DACH2: variants seen among roughly 807,000 people sequenced by gnomAD.
DACH2 encodes the protein dachshund homolog 2.
A neutral mutation model predicts 35.8 loss-of-function variants in DACH2; 17 were observed. The observed-to-expected ratio is 0.48, with a 90% CI of 0.33 to 0.71. The LOEUF (loss-of-function observed/expected upper bound fraction) is 0.71, where lower values mean the gene tolerates loss of function less well. Ranked by LOEUF, DACH2 falls within the 30% of genes least tolerant of loss-of-function variation. The probability of loss-of-function intolerance (pLI) is 0.02; values close to 1 mark genes in which losing one functional copy is unlikely to be tolerated. For synonymous variants in DACH2, 195 were observed against 177.3 expected, an observed-to-expected ratio of 1.10 and a Z score of -0.79; for missense variants, 469 against 472.7, an observed-to-expected ratio of 0.99 and a Z score of 0.07.
chrX:86,261,657 T>G (rs1181591921), intron 1 of DACH2, among the ~76,000 whole-genome samples: 1 of 111,707 alleles, frequency 9.0e-6, no homozygotes, highest in Non-Finnish European at 1.9e-5. Flanking sequence ...GAAAAATGCT[T>G]AGTGGAGTAC....
intron 7 of DACH2, among the ~76,000 whole-genome samples, chrX:86,797,604 G>A (rs2042251905): frequency 9.0e-6 from 1 of 110,940 alleles, no homozygotes; most frequent in African/African-American, 3.3e-5. Flanking sequence ...AATAAAATAA[G>A]GTCGAATTTG....
chrX:86,796,628 T>C (rs182663532), intron 7 of DACH2, among the ~76,000 whole-genome samples: 26 of 112,516 alleles, frequency 2.3e-4, no homozygotes, highest in African/African-American at 6.8e-4. Context: ...TTCTCTTTAT[T>C]TTCCTTTCTT....
At chrX:86,529,219 A>C (rs1451727866) in intron 3 of DACH2, among the ~76,000 whole-genome samples, 1 of 111,034 alleles carries the variant, frequency 9.0e-6, no homozygotes, top group African/African-American at 3.3e-5. Flanking sequence ...AAATTTTTAA[A>C]TTTTTTGTAA....
intron 7 of DACH2, among the ~76,000 whole-genome samples, chrX:86,759,938 GA>G (rs775426757): frequency 2.2e-4 from 25 of 111,731 alleles, no homozygotes; most frequent in African/African-American, 6.8e-4. Flanking sequence ...GTTTAGCTGG[GA>G]AAAAATTATT....
intron 3 of DACH2, among the ~76,000 whole-genome samples, chrX:86,547,957 T>A (rs1388827270): frequency 1.8e-5 from 2 of 112,316 alleles, no homozygotes; most frequent in African/African-American, 6.5e-5. Context: ...AGCAGGTGAC[T>A]TGATTATACT....
chrX:86,486,296 T>G (rs2148240418), intron 2 of DACH2, among the ~76,000 whole-genome samples: 1 of 111,747 alleles, frequency 8.9e-6, no homozygotes, highest in South Asian at 3.7e-4. Flanking sequence ...TCCTCTGAAC[T>G]AGCTCCATTT....
At chrX:86,740,793 G>A (rs1031271980) in intron 7 of DACH2, among the ~76,000 whole-genome samples, 1 of 109,811 alleles carries the variant, frequency 9.1e-6, no homozygotes, top group Admixed American at 9.8e-5. Flanking sequence ...GGATTATTGA[G>A]CGGTGAAATG....
chrX:86,407,899 G>A, intron 2 of DACH2, among the ~76,000 whole-genome samples: 1 of 111,689 alleles, frequency 9.0e-6, no homozygotes. Flanking sequence ...TTATTTATCA[G>A]ACCATCTATG....
chrX:86,829,271 G>A lies in DACH2; in HGVS notation c.1751-2835G>A, dbSNP rs969858041. The A allele has an allele frequency of 8.1e-5, 9 of 111,385 alleles. No homozygotes were observed. The East Asian group carries it at 2.3e-3, about 28-fold the overall frequency. The allele number at this position is 111,385 out of a possible 1,213,427, so 9.2% of individuals were successfully genotyped here. On this transcript the variant is annotated intron_variant, in intron 11 of 11. Coordinates refer to ENST00000373125, the MANE Select transcript of DACH2 (RefSeq NM_053281.3). ...CAAATTAGAAATAAGTCATGGAGAA[G>A]GATTGAAGCAAGTCAAATAAAAACT...
chrX:86,331,203 A>T (rs1383814029), intron 1 of DACH2, among the ~76,000 whole-genome samples: 1 of 111,127 alleles, frequency 9.0e-6, no homozygotes, highest in African/African-American at 3.3e-5. Context: ...GCAAAACATC[A>T]TTGGATGAAA....
At chrX:86,247,777 A>G (rs184033958) in intron 1 of DACH2, among the ~76,000 whole-genome samples, 256 of 111,416 alleles carry the variant, frequency 2.3e-3, no homozygotes, top group African/African-American at 8.0e-3. Context: ...ATTAACGTAG[A>G]TGGAAAAATC....
At chrX:86,729,850 C>T (rs1452897422) in intron 6 of DACH2, among the ~76,000 whole-genome samples, 1 of 111,535 alleles carries the variant, frequency 9.0e-6, no homozygotes, top group Non-Finnish European at 1.9e-5. Flanking sequence ...CTTCTTGAGG[C>T]CTCCCCAGAA....
At chrX:86,802,345 G>T (rs1438848540) in intron 7 of DACH2, among the ~76,000 whole-genome samples, 1 of 110,519 alleles carries the variant, frequency 9.0e-6, no homozygotes, top group East Asian at 2.9e-4. Context: ...ATGCTCTAAA[G>T]TGCTGGATGA....
chrX:86,487,581 C>G (rs1044296489), intron 2 of DACH2, among the ~76,000 whole-genome samples: 13 of 111,376 alleles, frequency 1.2e-4, no homozygotes, highest in Non-Finnish European at 3.8e-5. Context: ...GACTGTTACT[C>G]ATACTCACTT....
At chrX:86,378,585 A>G (rs185579232) in intron 2 of DACH2, among the ~76,000 whole-genome samples, 11 of 111,245 alleles carry the variant, frequency 9.9e-5, no homozygotes, top group African/African-American at 2.9e-4. Context: ...AAATTCTCCA[A>G]TTCTTAAATG....
At chrX:86,230,190 G>A (rs895276372) in intron 1 of DACH2, among the ~76,000 whole-genome samples, 6 of 110,656 alleles carry the variant, frequency 5.4e-5, no homozygotes, top group East Asian at 2.8e-4. Context: ...GGATTTTGTC[G>A]AATGCTTTTT....
intron 1 of DACH2, among the ~76,000 whole-genome samples, chrX:86,359,519 C>G (rs1256184351): frequency 9.0e-6 from 1 of 111,488 alleles, no homozygotes; most frequent in Non-Finnish European, 1.9e-5. Flanking sequence ...AGGCCAAGGC[C>G]AAAGGATTGG....
At chrX:86,659,724 C>G (rs2040584235) in intron 4 of DACH2, among the ~76,000 whole-genome samples, 1 of 111,570 alleles carries the variant, frequency 9.0e-6, no homozygotes, top group African/African-American at 3.3e-5. Context: ...TTGTGTGGTT[C>G]AAAACAAGTG....
intron 7 of DACH2, among the ~76,000 whole-genome samples, chrX:86,808,663 G>T (rs2042367908): frequency 9.1e-6 from 1 of 109,354 alleles, no homozygotes; most frequent in Non-Finnish European, 1.9e-5. Flanking sequence ...AAAAAAATGG[G>T]TCACCTGGGA....
Sources: allele counts gnomAD v4.1 joint callset (sites outside exome capture counted in the v4.1 genomes callset), GRCh38; gene constraint gnomAD v4.1.1; transcripts MANE v1.5; gene names NCBI Gene and HGNC (gene_info 2026-07-23, HGNC 2026-07-21).